The following MACF1 variants were observed in gnomAD, a reference collection of about 807,000 sequenced individuals.
The protein encoded by MACF1 is microtubule actin crosslinking factor 1.
A neutral mutation model predicts 854.8 loss-of-function variants in MACF1; 193 were observed. The ratio of observed to expected loss-of-function variants is 0.23; its 90% CI spans 0.20 to 0.25. MACF1 has a LOEUF of 0.25. Ranked by LOEUF, MACF1 falls within the 10% of genes least tolerant of loss-of-function variation. The pLI is 1.00. For synonymous variants in MACF1, 3,185 were observed against 3,226.7 expected (o/e 0.99, Z 0.44); for missense variants, 7,722 against 8,929.1 (o/e 0.86, Z 5.45).
At chr1:39,254,489 AC>A (rs1320645717) in intron 5 of MACF1, 114 bp downstream of exon 5, 3 of 900,074 alleles carry the variant, frequency 3.3e-6, no homozygotes, top group Non-Finnish European at 5.4e-6. Context: ...AATCTGATTG[AC>A]CCAGTTCTGA....
Position 39,334,684 on chromosome 1 carries a change from G to A in MACF1, c.8096G>A (p.Gly2699Glu). The A allele has an allele frequency of 1.2e-6, 2 of 1,614,112 alleles. No individual in the cohort carries two copies. Among genetic ancestry groups the A allele is most frequent in the Non-Finnish European group, 1.7e-6 (2 of 1,180,018 alleles). Reference sequence around the variant, plus strand: ...GGTGGAATCATAGATACTGCTACTGGAAAAAGACTGACATTGGCATCAGCT... The same window carrying A: ...GGTGGAATCATAGATACTGCTACTGAAAAAAGACTGACATTGGCATCAGCT... ...NTGGIIDTAT[G>E]KRLTLASALE... The change falls in exon 37 of 101, where the codon GGA (glycine) becomes GAA (glutamate). Residue 2699 changes from glycine (G) to glutamate (E), a missense_variant. Gly to Glu is a moderately conservative substitution (Grantham distance 98). Transcript: ENST00000564288.
rs200471504 is a variant in MACF1, at chr1:39,451,131, A to C, written c.20338A>C (p.Lys6780Gln). 1.2e-6 allele frequency: 2 copies of C among 1,614,154 alleles called. No homozygotes were observed. The highest frequency in any genetic ancestry group is 1.1e-5 in the South Asian group (1 of 91,084). ...ALQALVDWLYKVEPQLAEDQP... is the reference protein window; with the variant it reads ...ALQALVDWLYQVEPQLAEDQP... ...GCAGGCATTGGTTGACTGGTTATAC[A>C]AGGTGGAGCCACAGCTGGCTGAGGA... Residue 6780 changes from lysine (K) to glutamine (Q), a missense_variant, in exon 85 of 101, where the codon AAG (lysine) becomes CAG (glutamine). Lys to Gln is a moderately conservative substitution (Grantham distance 53). Coordinates refer to ENST00000564288, the MANE Select transcript of MACF1 (RefSeq NM_001394062.1).
intron 53 of MACF1, 61 bp downstream of exon 53, chr1:39,378,584 G>C: frequency 6.7e-7 from 1 of 1,485,100 alleles, no homozygotes; most frequent in Non-Finnish European, 9.4e-7. Flanking sequence ...GTCTATGTTT[G>C]CATCTGTGTA....
In MACF1 at chr1:39,360,820, T is replaced by A; in HGVS notation, c.12272T>A (p.Leu4091His). 6.2e-7 allele frequency: 1 copy of A among 1,612,254 alleles called. No individual in the cohort carries two copies. The highest frequency in any genetic ancestry group is 2.2e-5 in the East Asian group (1 of 44,802). ...TDSILSHFQS[L>H]SYSLAERSSL... ...TCCATACTCAGCCACTTCCAAAGCC[T>A]CTCCTATAGCCTGGCTGAGCGATCT... Residue 4091 changes from leucine (L) to histidine (H), a missense_variant, in exon 48 of 101, where the codon CTC (leucine) becomes CAC (histidine). Leu to His is a moderately conservative substitution (Grantham distance 99). Around this residue, in one of 15 missense-constraint regions of MACF1, gnomAD observed 2,807 missense variants for 3,235.8 expected, o/e 0.87. Transcript: ENST00000564288.
At chr1:39,120,192 C>T (rs1404842237) in intron 2 of MACF1, among the ~76,000 whole-genome samples, 1 of 151,378 alleles carries the variant, frequency 6.6e-6, no homozygotes, top group African/African-American at 2.4e-5. Flanking sequence ...CCAATAAAGC[C>T]TCTTTATACC....
At chr1:39,475,566 T>A (rs2124180716) in intron 97 of MACF1, among the ~76,000 whole-genome samples, 1 of 151,928 alleles carries the variant, frequency 6.6e-6, no homozygotes, top group Middle Eastern at 3.4e-3. Flanking sequence ...GGAAGGCTGC[T>A]ACAGTTACCC....
chr1:39,153,427 C>T (rs1433604400), intron 2 of MACF1, among the ~76,000 whole-genome samples: 1 of 152,102 alleles, frequency 6.6e-6, no homozygotes, highest in Non-Finnish European at 1.5e-5. Context: ...TACATAAGCA[C>T]CTTAGGGAGG....
At chr1:39,326,649 T>C (rs1646617659) in intron 35 of MACF1, among the ~76,000 whole-genome samples, 1 of 139,586 alleles carries the variant, frequency 7.2e-6, no homozygotes, top group Non-Finnish European at 1.5e-5. Flanking sequence ...CCACTGCACT[T>C]CAACCTGGGT....
chr1:39,258,088 C>A, intron 6 of MACF1, 60 bp downstream of exon 6: 1 of 1,266,924 alleles, frequency 7.9e-7, no homozygotes, highest in South Asian at 1.2e-5. Flanking sequence ...TAGAAAGTTG[C>A]ACTGCCTTCC....
chr1:39,369,453 G>T lies in MACF1; in HGVS notation c.12939-577G>T, dbSNP rs764423579. On this transcript the variant is annotated intron_variant, in intron 50 of 100. Coordinates refer to ENST00000564288, the MANE Select transcript of MACF1 (RefSeq NM_001394062.1). ...GGGGACAAAGGTCAAGAAAGCTTTT[G>T]TTTTTCTTCCCCTATGCTGAGGGCC... is the stretch of plus-strand genomic sequence containing the variant. Among the ~76,000 whole-genome samples the T allele has an allele frequency of 6.8e-4, 103 of 152,278 alleles. 1 individual carries two copies. Among genetic ancestry groups the T allele is most frequent in the Admixed American group, 2.7e-3 (41 of 15,302 alleles).
chr1:39,442,169 A>G lies in MACF1; in HGVS notation c.18797A>G (p.Gln6266Arg). ...EMKEFKVEVY[Q>R]QQIEMEKLNH... is the part of the protein sequence containing the mutation. The stretch of plus-strand genomic sequence containing the variant: ...CAGGAGTTCAAAGTAGAAGTTTACC[A>G]ACAGCAAATTGAGATGGAGAAGCTT... The change falls in exon 76 of 101, where the codon CAA becomes CGA. Residue 6266 changes from glutamine (Q) to arginine (R), a missense_variant. This residue lies in a region of MACF1 where 2,807 missense variants were observed against 3,235.8 expected (regional missense o/e 0.87). Transcript: ENST00000564288. The G allele has an allele frequency of 6.3e-7, 1 of 1,594,338 alleles. No individual in the cohort carries two copies. Among genetic ancestry groups the G allele is most frequent in the Non-Finnish European group, 8.5e-7 (1 of 1,173,048 alleles).
intron 97 of MACF1, among the ~76,000 whole-genome samples, chr1:39,474,001 C>T (rs191418385): frequency 4.6e-5 from 7 of 152,282 alleles, no homozygotes; most frequent in Admixed American, 2.6e-4. Context: ...CGTGTACAAT[C>T]CCAACACTTT....
intron 99 of MACF1, among the ~76,000 whole-genome samples, chr1:39,482,733 G>A (rs2124248052): frequency 6.9e-6 from 1 of 144,012 alleles, no homozygotes; most frequent in East Asian, 2.0e-4. Context: ...GGCAGAGGTT[G>A]CAGTGAGCCA....
At chr1:39,446,912 T>C (rs1056502701) in intron 80 of MACF1, among the ~76,000 whole-genome samples, 9 of 152,244 alleles carry the variant, frequency 5.9e-5, no homozygotes, top group African/African-American at 2.2e-4. Context: ...CTTCTTCTTA[T>C]AGCATAAGCA....
intron 2 of MACF1, among the ~76,000 whole-genome samples, chr1:39,108,506 GTTTTTT>G (rs778050199): frequency 8.3e-6 from 1 of 120,674 alleles, no homozygotes; most frequent in Admixed American, 8.6e-5. Flanking sequence ...ACATGAGAGG[GTTTTTT>G]TTTTTTTTTT....
rs1553330389 is a variant in MACF1 at position 39,381,378 on chromosome 1, T to TTTG, written c.13649-575_13649-574insTTG. On this transcript the variant is annotated intron_variant, in intron 55 of 100. Coordinates refer to ENST00000564288, the MANE Select transcript of MACF1 (RefSeq NM_001394062.1). Reference sequence around the variant, plus strand: ...GGCCTTTTTTTTTTTTTTTTTTTTTTGGGGGGGGGGACAGGGTCTTGCTCT... The same window carrying TTTG: ...GGCCTTTTTTTTTTTTTTTTTTTTTTTTGGGGGGGGGGGACAGGGTCTTGCTCT... Among the ~76,000 whole-genome samples the TTTG allele has an allele frequency of 6.5e-3, 658 of 101,710 alleles. 10 individuals are homozygous for TTTG. The highest frequency in any genetic ancestry group is 0.011 in the Non-Finnish European group (521 of 47,062). 66.7% of individuals were successfully genotyped at this position (101,710 alleles called of 152,430 possible). A position where few individuals can be genotyped will look rare whatever the true frequency, so the allele number is the denominator to read the frequency against.
At chr1:39,301,518 T>G (rs893791875) in intron 22 of MACF1, among the ~76,000 whole-genome samples, 1 of 150,916 alleles carries the variant, frequency 6.6e-6, no homozygotes, top group Non-Finnish European at 1.5e-5. Context: ...CTCTGCCCCC[T>G]GGGTTCAAGT....
At chr1:39,453,081 G>A (rs1408455589) in intron 87 of MACF1, among the ~76,000 whole-genome samples, 1 of 152,050 alleles carries the variant, frequency 6.6e-6, no homozygotes, top group Non-Finnish European at 1.5e-5. Flanking sequence ...GAAAAATGTT[G>A]ACTATTTCAT....
chr1:39,415,214 A>C (rs1244486794), intron 58 of MACF1, among the ~76,000 whole-genome samples: 1 of 152,202 alleles, frequency 6.6e-6, no homozygotes, highest in African/African-American at 2.4e-5. Flanking sequence ...ATCTTTGTCA[A>C]ACTGCCTTTG....
Sources: gnomAD v4.1 joint callset for allele counts (sites outside exome capture counted in the v4.1 genomes callset) on GRCh38, gnomAD v4.1.1 for gene constraint, gnomAD v4.1.1 regional missense constraint, MANE v1.5 for transcripts, NCBI Gene and HGNC (gene_info 2026-07-23, HGNC 2026-07-21) for gene names.